The following NAV2 variants were observed in gnomAD, a reference collection of about 807,000 sequenced individuals.
The protein encoded by NAV2 is helicase, APC down-regulated 1.
Under a neutral mutation model 223.2 loss-of-function variants are expected in NAV2, and 54 were observed. The ratio of observed to expected loss-of-function variants is 0.24; its 90% confidence interval spans 0.19 to 0.30. NAV2 has a LOEUF of 0.30. NAV2 is among the 10% of genes least tolerant of loss of function. The pLI, the probability that NAV2 is intolerant of heterozygous loss-of-function variation, is 1.00. For synonymous variants in NAV2, 1,279 were observed against 1,239.3 expected (o/e 1.03, Z -0.67); for missense variants, 2,806 against 3,147.5 (o/e 0.89, Z 2.60).
chr11:20,080,378 T>G (rs1867116), intron 25 of NAV2, among the ~76,000 whole-genome samples, 169 bp downstream of exon 25: 74,190 of 152,034 alleles, frequency 0.49, 19,951 homozygotes, highest in South Asian at 0.71. Context: ...AAATCAATAT[T>G]GTACTCAGCA....
intron 26 of NAV2, among the ~76,000 whole-genome samples, chr11:20,086,656 T>A (rs2060466880): frequency 6.6e-6 from 1 of 152,096 alleles, no homozygotes; most frequent in African/African-American, 2.4e-5. Flanking sequence ...AAATATTTGG[T>A]GGAATGAATG....
In NAV2 at chr11:19,763,237, T is replaced by C. The variant is rs144111501; in HGVS notation, c.267+49275T>C. Among the ~76,000 whole-genome samples the C allele has an allele frequency of 3.5e-3, 529 of 152,304 alleles. 5 individuals carry two copies. Among genetic ancestry groups the C allele is most frequent in the South Asian group, 0.012 (59 of 4,822 alleles). On this transcript the variant is annotated intron_variant, in intron 1 of 37. Coordinates refer to ENST00000349880, the MANE Select transcript of NAV2 (RefSeq NM_145117.5). The stretch of plus-strand genomic sequence containing the variant: ...GCTACTTGCTTTTGACAAAATGAAA[T>C]AACAGGAGACTGTCTGTATTTTCTG...
At chr11:19,700,870 C>CA (rs1351815508) in intron 1 of NAV2, among the ~76,000 whole-genome samples, 1 of 152,208 alleles carries the variant, frequency 6.6e-6, no homozygotes, top group Admixed American at 6.5e-5. Flanking sequence ...AACATTTTAT[C>CA]ACCAGTGACT....
chr11:20,111,319 G>A (rs1022781246), intron 36 of NAV2, among the ~76,000 whole-genome samples: 11 of 152,150 alleles, frequency 7.2e-5, no homozygotes, highest in African/African-American at 1.7e-4. Flanking sequence ...CCTGCCTTAG[G>A]GAAAGTGAAT....
intron 12 of NAV2, among the ~76,000 whole-genome samples, chr11:20,042,376 C>T (rs1370091646): frequency 6.6e-6 from 1 of 152,144 alleles, no homozygotes; most frequent in Non-Finnish European, 1.5e-5. Flanking sequence ...TGAGTGAGCT[C>T]CTGCCCTGTG....
At chr11:19,827,723 T>TA (rs1219367517) in intron 1 of NAV2, among the ~76,000 whole-genome samples, 9 of 150,780 alleles carry the variant, frequency 6.0e-5, no homozygotes, top group African/African-American at 1.5e-4. Flanking sequence ...TTTTTAATTT[T>TA]AAAAAATTGT....
At chr11:19,766,864 A>G (rs1305787459) in intron 1 of NAV2, among the ~76,000 whole-genome samples, 1 of 152,146 alleles carries the variant, frequency 6.6e-6, no homozygotes, top group African/African-American at 2.4e-5. Flanking sequence ...GGGTCATTGA[A>G]AAAGAGAGCC....
intron 6 of NAV2, among the ~76,000 whole-genome samples, chr11:19,896,321 CCTT>C (rs1395288525): frequency 6.6e-6 from 1 of 152,182 alleles, no homozygotes; most frequent in Non-Finnish European, 1.5e-5. Context: ...CAATAACTCT[CCTT>C]CACCACCTCC....
At chr11:19,428,244 C>A (rs1850911329) in intron 1 of NAV2, among the ~76,000 whole-genome samples, 1 of 152,136 alleles carries the variant, frequency 6.6e-6, no homozygotes, top group African/African-American at 2.4e-5. Flanking sequence ...AACACACATA[C>A]ACGCATACCA....
intron 6 of NAV2, among the ~76,000 whole-genome samples, chr11:19,913,123 A>G (rs1427153142): frequency 6.6e-6 from 1 of 152,194 alleles, no homozygotes; most frequent in Non-Finnish European, 1.5e-5. Flanking sequence ...GCAGGTTTGA[A>G]TCACTCTGTC....
At chr11:19,560,831 C>A (rs1351391019) in intron 1 of NAV2, among the ~76,000 whole-genome samples, 1 of 152,158 alleles carries the variant, frequency 6.6e-6, no homozygotes, top group African/African-American at 2.4e-5. Context: ...TGTCAGTACA[C>A]ACTAAGTGGG....
Position 20,045,642 on chromosome 11 carries a change from C to T in NAV2, c.3874C>T (p.Pro1292Ser), listed in dbSNP as rs1301737224. Residue 1292 changes from proline (P) to serine (S), a missense_variant, in exon 14 of 38, where the codon CCA (proline) becomes TCA (serine). By Grantham distance (74) the Pro-to-Ser change is moderately conservative. This residue lies in a region of NAV2 where 742 missense variants were observed against 777.9 expected (regional missense o/e 0.95). Coordinates refer to ENST00000349880, the MANE Select transcript of NAV2 (RefSeq NM_145117.5). Reference protein sequence around the residue: ...QTSLQPGAKYPDVASPTLRRL... With the variant: ...QTSLQPGAKYSDVASPTLRRL... Reference sequence around the variant, plus strand: ...CAGTCTCCAGCCTGGAGCCAAGTACCCAGATGTGGCCTCTCCCACACTCCG... The same window carrying T: ...CAGTCTCCAGCCTGGAGCCAAGTACTCAGATGTGGCCTCTCCCACACTCCG... 6.2e-7 allele frequency: 1 copy of T among 1,613,958 alleles called. No homozygotes were observed. The highest frequency in any genetic ancestry group is 1.3e-5 in the African/African-American group (1 of 74,916).
At chr11:19,682,313 C>T (rs1465911604) in intron 1 of NAV2, among the ~76,000 whole-genome samples, 5 of 152,166 alleles carry the variant, frequency 3.3e-5, no homozygotes, top group African/African-American at 7.2e-5. Flanking sequence ...TACACACATG[C>T]CTTATCTCAT....
chr11:19,489,551 C>T (rs1381954391), intron 1 of NAV2, among the ~76,000 whole-genome samples: 1 of 152,172 alleles, frequency 6.6e-6, no homozygotes, highest in Non-Finnish European at 1.5e-5. Context: ...CTCTGACTTA[C>T]AGGAGCACAT....
At chr11:19,781,319 G>T (rs1034816826) in intron 1 of NAV2, among the ~76,000 whole-genome samples, 2 of 152,172 alleles carry the variant, frequency 1.3e-5, no homozygotes, top group Non-Finnish European at 2.9e-5. Flanking sequence ...GCTCACTGCT[G>T]CAGTTCTCTC....
At position 19,946,551 on chromosome 11, in the gene NAV2, C is replaced by T. The variant is rs975101624; in HGVS notation, c.2255+42C>T. 4.6e-6 allele frequency: 7 copies of T among 1,526,126 alleles called. No individual in the cohort carries two copies. In the Admixed American group the frequency reaches 5.4e-5, roughly 12 times the overall value. 94.5% of individuals were successfully genotyped at this position (1,526,126 alleles called of 1,614,324 possible). The stretch of plus-strand genomic sequence containing the variant: ...TTACTTTACTGAACTACCTGGTATC[C>T]TAATTTTCTCCTGTGTTTGTTCATA... On this transcript the variant is annotated intron_variant, in intron 9 of 37. Transcript: ENST00000349880.
At chr11:19,755,573 C>G (rs2054168879) in intron 1 of NAV2, among the ~76,000 whole-genome samples, 2 of 152,188 alleles carry the variant, frequency 1.3e-5, no homozygotes, top group South Asian at 4.1e-4. Flanking sequence ...TGGGGAAGGA[C>G]TCGCTCTATG....
chr11:19,477,927 C>T (rs1348432791), intron 1 of NAV2, among the ~76,000 whole-genome samples: 1 of 152,124 alleles, frequency 6.6e-6, no homozygotes, highest in Non-Finnish European at 1.5e-5. Context: ...AGCACTAGAT[C>T]CCAAAATACA....
chr11:19,574,394 A>G (rs886934041), intron 1 of NAV2, among the ~76,000 whole-genome samples: 2 of 152,188 alleles, frequency 1.3e-5, no homozygotes, highest in African/African-American at 4.8e-5. Context: ...TGCTCAATAA[A>G]TGTTAATTCC....
Sources: allele counts gnomAD v4.1 joint callset (sites outside exome capture counted in the v4.1 genomes callset), GRCh38; gene constraint gnomAD v4.1.1; regional missense constraint gnomAD v4.1.1; transcripts MANE v1.5; gene names NCBI Gene and HGNC (gene_info 2026-07-23, HGNC 2026-07-21).